The following APH1B variants were observed in gnomAD, a reference collection of about 807,000 sequenced individuals.
APH1B encodes gamma-secretase subunit APH-1B.
In APH1B, 27 loss-of-function variants were observed where a neutral mutation model predicts 28.2. That is an observed-to-expected ratio of 0.96 (90% CI 0.70 to 1.32). The LOEUF is 1.32. APH1B is among the 40% of genes most tolerant of loss of function. APH1B has a pLI of 0.00. For synonymous variants in APH1B, 141 were observed against 124.6 expected (o/e 1.13, Z -0.88); for missense variants, 305 against 313.6 (o/e 0.97, Z 0.21).
chr15:63,286,773 G>A (rs983755996), intron 3 of APH1B, 145 bp downstream of exon 3: 49 of 697,342 alleles, frequency 7.0e-5, no homozygotes, highest in Middle Eastern at 5.0e-4. Context: ...TATTATCCCC[G>A]TCTTCCAGGT....
rs1288128367 is a variant in APH1B at position 63,307,023 on chromosome 15, C to G, written c.*1242C>G. 6.6e-6 allele frequency: 1 copy of G among 152,122 alleles called. No homozygotes were observed. Among genetic ancestry groups the G allele is most frequent in the Non-Finnish European group, 1.5e-5 (1 of 68,022 alleles). The allele number at this position is 152,122 out of a possible 1,614,324, so 9.4% of individuals were successfully genotyped here. A position where few individuals can be genotyped will look rare whatever the true frequency, so the allele number is the denominator to read the frequency against. ...AAGGGAAAATTCTGGCAAATCGTGC[C>G]TTTACTATTAGAAATTGTTCCCAGT... On this transcript the variant is annotated 3_prime_UTR_variant, in exon 6 of 6. Transcript: ENST00000261879.
At chr15:63,279,477 C>G in intron 2 of APH1B, 146 bp downstream of exon 2, 1 of 635,486 alleles carries the variant, frequency 1.6e-6, no homozygotes, top group African/African-American at 1.9e-5. Context: ...GCCTGAAAAT[C>G]TTGAGTGTTC....
At chr15:63,278,967 C>T (rs747113927) in intron 1 of APH1B, among the ~76,000 whole-genome samples, 194 bp from the exon 2 acceptor site, 2 of 152,162 alleles carry the variant, frequency 1.3e-5, no homozygotes, top group Non-Finnish European at 2.9e-5. Context: ...CTCTTGGACA[C>T]GTTTGTCTCA....
At chr15:63,294,879 C>T (rs1386143718) in intron 4 of APH1B, among the ~76,000 whole-genome samples, 2 of 152,210 alleles carry the variant, frequency 1.3e-5, no homozygotes, top group Admixed American at 6.5e-5. Context: ...ATTTTAAATA[C>T]TGCTGACTTC....
At chr15:63,288,634 G>C (rs912096396) in intron 4 of APH1B, among the ~76,000 whole-genome samples, 3 of 152,164 alleles carry the variant, frequency 2.0e-5, no homozygotes, top group Admixed American at 6.5e-5. Flanking sequence ...GAGAGTCAAG[G>C]CCCTTTAAAT....
intron 5 of APH1B, among the ~76,000 whole-genome samples, chr15:63,302,767 A>T (rs2038646128): frequency 6.6e-6 from 1 of 152,210 alleles, no homozygotes; most frequent in Non-Finnish European, 1.5e-5. Context: ...GCTGCGTGGA[A>T]AAGTTGCGTA....
intron 1 of APH1B, chr15:63,278,471 G>T (rs754333123): frequency 5.2e-6 from 2 of 385,572 alleles, no homozygotes; most frequent in South Asian, 3.7e-5. Context: ...AATGATTCCC[G>T]CTTTTCTGCG....
At chr15:63,279,648 G>A (rs74977919) in intron 2 of APH1B, among the ~76,000 whole-genome samples, 3 of 152,154 alleles carry the variant, frequency 2.0e-5, no homozygotes, top group Admixed American at 6.5e-5. Context: ...AGTAGGAAGA[G>A]ACAGACAATA....
chr15:63,289,427 C>T (rs1232791254), intron 4 of APH1B, among the ~76,000 whole-genome samples: 1 of 152,164 alleles, frequency 6.6e-6, no homozygotes, highest in South Asian at 2.1e-4. Flanking sequence ...TTAGTATACT[C>T]CATTACAAAT....
In APH1B at chr15:63,302,432, T is replaced by TC. The variant is rs772207477; in HGVS notation, c.568dup (p.Leu190ProfsTer84). On this transcript the variant is annotated frameshift_variant, in exon 5 of 6. Coordinates refer to ENST00000261879, the MANE Select transcript of APH1B (RefSeq NM_031301.4). LOFTEE classifies it high-confidence loss of function. The stretch of plus-strand genomic sequence containing the variant: ...TGTGAGAAGAAAAAGTGGGGCATCC[T>TC]CCTTATCGTTCTCCTGACCCACCTG... 8.7e-6 allele frequency: 14 copies of TC among 1,613,972 alleles called. No individual in the cohort carries two copies. In the African/African-American group the frequency reaches 1.5e-4, roughly 17 times the overall value.
rs2038356614 is a variant in APH1B at position 63,279,064 on chromosome 15, C to G, written c.114-97C>G. The stretch of plus-strand genomic sequence containing the variant: ...TCCTTATTGAAACGTCAAGAAATCT[C>G]TTCCTTCTCAAGCAGGTTTTTTTTT... On this transcript the variant is annotated intron_variant, in intron 1 of 5. Coordinates refer to ENST00000261879, the MANE Select transcript of APH1B (RefSeq NM_031301.4). 4.0e-6 allele frequency: 4 copies of G among 1,002,458 alleles called. No homozygotes were observed. The South Asian group carries it at 1.2e-4, about 29-fold the overall frequency. The allele number at this position is 1,002,458 out of a possible 1,614,324, so 62.1% of individuals were successfully genotyped here.
At chr15:63,283,944 T>C (rs2038417350) in intron 2 of APH1B, among the ~76,000 whole-genome samples, 1 of 152,200 alleles carries the variant, frequency 6.6e-6, no homozygotes, top group Admixed American at 6.5e-5. Flanking sequence ...TAAAAGACCA[T>C]CTCTCTTTCC....
chr15:63,301,186 T>C (rs1393637950), intron 4 of APH1B, among the ~76,000 whole-genome samples: 2 of 152,364 alleles, frequency 1.3e-5, no homozygotes, highest in African/African-American at 4.8e-5. Flanking sequence ...ATTTCAGAAC[T>C]AATTGCTTCA....
Position 63,285,184 on chromosome 15 carries a change from A to G in APH1B, c.285-1374A>G, listed in dbSNP as rs1012651050. ...CACTCCCTTCACTAGGCTTATCCCT[A>G]TTTTGGTTGAATTCTACATTGCCTT... On this transcript the variant is annotated intron_variant, in intron 2 of 5. Coordinates refer to ENST00000261879, the MANE Select transcript of APH1B (RefSeq NM_031301.4). Among the ~76,000 whole-genome samples the G allele has an allele frequency of 4.6e-5, 7 of 152,130 alleles. No homozygotes were observed. The South Asian group carries it at 1.0e-3, about 22-fold the overall frequency.
intron 4 of APH1B, among the ~76,000 whole-genome samples, chr15:63,296,494 C>T (rs751221211): frequency 5.3e-5 from 8 of 152,108 alleles, no homozygotes; most frequent in African/African-American, 1.2e-4. Context: ...CAGTATTAGA[C>T]GCAATTGCTG....
Position 63,294,711 on chromosome 15 carries a change from G to A in APH1B, c.478+7165G>A, listed in dbSNP as rs28472751. ...TCAGCTTTGAGGTTTACTTTAATGGGTGGATTTATTGGATTTTACTGCCTT... is the reference window on the plus strand; with the variant it reads ...TCAGCTTTGAGGTTTACTTTAATGGATGGATTTATTGGATTTTACTGCCTT... On this transcript the variant is annotated intron_variant, in intron 4 of 5. Transcript: ENST00000261879. Among the ~76,000 whole-genome samples the A allele has an allele frequency of 9.6e-3, 1,465 of 152,274 alleles. 30 individuals carry two copies. The highest frequency in any genetic ancestry group is 0.034 in the African/African-American group (1,416 of 41,540).
At chr15:63,303,387 A>T (rs180699337) in intron 5 of APH1B, among the ~76,000 whole-genome samples, 29 of 152,314 alleles carry the variant, frequency 1.9e-4, no homozygotes, top group African/African-American at 7.0e-4. Context: ...ATTGCTCAGC[A>T]TGTTTGTGGG....
intron 4 of APH1B, among the ~76,000 whole-genome samples, chr15:63,292,550 A>C (rs2152597171): frequency 6.6e-6 from 1 of 151,648 alleles, no homozygotes; most frequent in Middle Eastern, 3.4e-3. Flanking sequence ...TGCTATGCCC[A>C]GCTAATTTTT....
intron 1 of APH1B, 90 bp from the exon 2 acceptor site, chr15:63,279,071 C>A: frequency 9.4e-7 from 1 of 1,062,958 alleles, no homozygotes; most frequent in Non-Finnish European, 1.3e-6. Flanking sequence ...TCTCTTCCTT[C>A]TCAAGCAGGT....
Sources: allele counts gnomAD v4.1 joint callset (sites outside exome capture counted in the v4.1 genomes callset), GRCh38; gene constraint gnomAD v4.1.1; transcripts MANE v1.5; gene names NCBI Gene and HGNC (gene_info 2026-07-23, HGNC 2026-07-21).